ANKS4B: variants seen among roughly 807,000 people sequenced by gnomAD.
ANKS4B encodes the protein ankyrin repeat and sterile alpha motif domain containing 4B, also known as ankyrin repeat and SAM domain-containing protein 4B.
Under a neutral mutation model 20.2 loss-of-function variants are expected in ANKS4B, and 21 were observed. The observed-to-expected ratio is 1.04, with a 90% CI of 0.74 to 1.50. The LOEUF is 1.50. Ranked by LOEUF, ANKS4B falls within the 40% of genes most tolerant of loss-of-function variation. The pLI, the probability that ANKS4B is intolerant of heterozygous loss-of-function variation, is 0.00. For missense variants in ANKS4B, 473 were observed against 494.6 expected, an observed-to-expected ratio of 0.96 and a Z score of 0.41; for synonymous variants, 179 against 194.5, an observed-to-expected ratio of 0.92 and a Z score of 0.66.
intron 1 of ANKS4B, among the ~76,000 whole-genome samples, chr16:21,248,307 G>A (rs964694807): frequency 4.7e-4 from 69 of 147,374 alleles, no homozygotes; most frequent in African/African-American, 1.6e-3. Flanking sequence ...ACAGGCACGA[G>A]CCACTGAGCC....
At chr16:21,245,268 T>G (rs1256782598) in intron 1 of ANKS4B, among the ~76,000 whole-genome samples, 4 of 152,106 alleles carry the variant, frequency 2.6e-5, no homozygotes, top group Admixed American at 6.6e-5. Context: ...AACTGTGACT[T>G]TGTTGAAAGA....
Position 21,250,652 on chromosome 16 carries a change from T to C in ANKS4B, c.1086T>C (p.Pro362=). The change falls in exon 2 of 2, where the codon CCT becomes CCC. Residue 362 remains proline, a synonymous_variant. Coordinates refer to ENST00000311620, the MANE Select transcript of ANKS4B (RefSeq NM_145865.3). ...CTCAGCACCTGGAAGAATTCCTGCC[T>C]ATCTTCAAGAGAGAGCAGATTGATC... ...LLSQHLEEFL[P]IFKREQIDLE... 2 of 1,614,004 alleles carry C rather than the reference T, an allele frequency of 1.2e-6. No individual in the cohort carries two copies. Among genetic ancestry groups the C allele is most frequent in the Non-Finnish European group, 1.7e-6 (2 of 1,179,858 alleles).
At position 21,253,172 on chromosome 16, in the gene ANKS4B, C is replaced by T. The variant is rs2093341724; in HGVS notation, c.*2352C>T. On this transcript the variant is annotated 3_prime_UTR_variant, in exon 2 of 2. Transcript: ENST00000311620. ...GCTGACTTACATCAAGTGGAATTTA[C>T]TGTTGATTCTGGGTATAATACAGAA... The T allele has an allele frequency of 6.6e-6, 1 of 152,102 alleles. No individual in the cohort carries two copies. The highest frequency in any genetic ancestry group is 2.1e-4 in the South Asian group (1 of 4,830). The allele number at this position is 152,102 out of a possible 1,614,324, so 9.4% of individuals were successfully genotyped here. A position where few individuals can be genotyped will look rare whatever the true frequency, so the allele number is the denominator to read the frequency against.
rs1463688423 is a variant in ANKS4B, at chr16:21,250,268, C to T, written c.702C>T (p.Phe234=). 8 of 1,613,998 alleles carry T rather than the reference C, an allele frequency of 5.0e-6. No individual in the cohort carries two copies. The African/African-American group carries it at 6.7e-5, about 13-fold the overall frequency. ...GGCAGAGGAACGTGATGGAAGTGTT[C>T]AGAGAGGAAGAGGAAGACTCGTTCT... ...RSGQRNVMEV[F]REEEEDSFSG... Residue 234 remains phenylalanine, a synonymous_variant, in exon 2 of 2, where the codon TTC becomes TTT. Transcript: ENST00000311620.
chr16:21,241,125 T>C (rs1431723579), intron 1 of ANKS4B, among the ~76,000 whole-genome samples: 12 of 152,206 alleles, frequency 7.9e-5, no homozygotes, highest in Non-Finnish European at 1.5e-5. Context: ...AGGGTACGTG[T>C]GCAGGTTTGC....
At chr16:21,239,794 G>A (rs539862421) in intron 1 of ANKS4B, among the ~76,000 whole-genome samples, 3 of 152,210 alleles carry the variant, frequency 2.0e-5, no homozygotes, top group South Asian at 4.1e-4. Context: ...TATTCTTAGC[G>A]AGCTAACGCA....
In ANKS4B at chr16:21,251,743, G is replaced by A. The variant is rs1410366247; in HGVS notation, c.*923G>A. ...GAGAATAGAGACAGAGTGGTGGTGG[G>A]GAGAGTGAAGAAAGAGATAGAATAC... On this transcript the variant is annotated 3_prime_UTR_variant, in exon 2 of 2. Coordinates refer to ENST00000311620, the MANE Select transcript of ANKS4B (RefSeq NM_145865.3). 6.6e-6 allele frequency: 1 copy of A among 152,142 alleles called. No homozygotes were observed. The highest frequency in any genetic ancestry group is 1.5e-5 in the Non-Finnish European group (1 of 68,040). The allele number at this position is 152,142 out of a possible 1,614,324, so 9.4% of individuals were successfully genotyped here.
Position 21,250,298 on chromosome 16 carries a change from G to A in ANKS4B, c.732G>A (p.Gly244=). Residue 244 remains glycine, a synonymous_variant, in exon 2 of 2, where the codon GGG becomes GGA. Transcript: ENST00000311620. ...AGGAAGAGGAAGACTCGTTCTCAGG[G>A]GACTTCAAAGAGAAGCTCCAGTTGT... ...FREEEEDSFS[G]DFKEKLQLSA... 1 of 1,614,198 alleles carries A rather than the reference G, an allele frequency of 6.2e-7. No homozygotes were observed. Among genetic ancestry groups the A allele is most frequent in the Non-Finnish European group, 8.5e-7 (1 of 1,180,030 alleles).
Position 21,250,859 on chromosome 16 carries a change from G to T in ANKS4B, c.*39G>T, listed in dbSNP as rs142116598. On this transcript the variant is annotated 3_prime_UTR_variant, in exon 2 of 2. Transcript: ENST00000311620. ...CCTGGAGCATTGGGGTGATGCTGTG[G>T]CCCGCTGGCAGCACTCCAGGCGGCA... The T allele has an allele frequency of 2.2e-4, 335 of 1,543,426 alleles. 1 individual carries two copies. In the African/African-American group the frequency reaches 4.0e-3, roughly 18 times the overall value.
At position 21,243,717 on chromosome 16, in the gene ANKS4B, A is replaced by G. The variant is rs542741815; in HGVS notation, c.165-6014A>G. Among the ~76,000 whole-genome samples, 337 of 152,128 alleles carry G rather than the reference A, an allele frequency of 2.2e-3. 5 individuals carry two copies. The highest frequency in any genetic ancestry group is 6.6e-3 in the African/African-American group (273 of 41,496). On this transcript the variant is annotated intron_variant, in intron 1 of 1. Coordinates refer to ENST00000311620, the MANE Select transcript of ANKS4B (RefSeq NM_145865.3). ...CTCCCGAGTAGCTGGGACTACAGGT[A>G]CACACCACCATGCCTGGCTAATTTT...
At chr16:21,243,871 C>G (rs917453801) in intron 1 of ANKS4B, 1 of 152,088 alleles carries the variant, frequency 6.6e-6, no homozygotes, top group African/African-American at 2.4e-5. Context: ...CTGTGCCCAG[C>G]CAAAGTTTTG....
rs1597608713 is a variant in ANKS4B at position 21,251,390 on chromosome 16, A to C, written c.*570A>C. On this transcript the variant is annotated 3_prime_UTR_variant, in exon 2 of 2. Coordinates refer to ENST00000311620, the MANE Select transcript of ANKS4B (RefSeq NM_145865.3). ...TAAAGCACTGGGATTACAGGTGTGA[A>C]CCACCGTACCCAGCCTATCTTTTTG... is the stretch of plus-strand genomic sequence containing the variant. The C allele has an allele frequency of 6.6e-6, 1 of 152,600 alleles. No homozygotes were observed. Among genetic ancestry groups the C allele is most frequent in the South Asian group, 2.1e-4 (1 of 4,844 alleles). 9.5% of individuals were successfully genotyped at this position (152,600 alleles called of 1,614,324 possible). A position where few individuals can be genotyped will look rare whatever the true frequency, so the allele number is the denominator to read the frequency against.
chr16:21,234,048 C>G, intron 1 of ANKS4B, 147 bp downstream of exon 1: 1 of 847,048 alleles, frequency 1.2e-6, no homozygotes, highest in South Asian at 2.3e-5. Flanking sequence ...AGAGAGAAAA[C>G]TATGCCTAGA....
chr16:21,249,516 G>A (rs1459374260), intron 1 of ANKS4B, among the ~76,000 whole-genome samples: 4 of 152,162 alleles, frequency 2.6e-5, no homozygotes, highest in African/African-American at 4.8e-5. Flanking sequence ...GAGACACACG[G>A]TAGAGATGGG....
At position 21,252,873 on chromosome 16, in the gene ANKS4B, A is replaced by C. The variant is rs1010706171; in HGVS notation, c.*2053A>C. The stretch of plus-strand genomic sequence containing the variant: ...AACCCGTCTCTACTAAAAATACAAA[A>C]ATTAGCCAGGTGTGGTGGCGTGTGC... On this transcript the variant is annotated 3_prime_UTR_variant, in exon 2 of 2. Coordinates refer to ENST00000311620, the MANE Select transcript of ANKS4B (RefSeq NM_145865.3). The C allele has an allele frequency of 6.6e-6, 1 of 152,066 alleles. No homozygotes were observed. The highest frequency in any genetic ancestry group is 2.4e-5 in the African/African-American group (1 of 41,368). 9.4% of individuals were successfully genotyped at this position (152,066 alleles called of 1,614,324 possible).
chr16:21,240,388 G>A (rs1347287997), intron 1 of ANKS4B, among the ~76,000 whole-genome samples: 3 of 151,940 alleles, frequency 2.0e-5, no homozygotes, highest in South Asian at 2.1e-4. Flanking sequence ...ACCTAGGTTC[G>A]AGTGATTCTC....
intron 1 of ANKS4B, among the ~76,000 whole-genome samples, chr16:21,246,259 CT>C (rs921383496): frequency 6.6e-6 from 1 of 152,004 alleles, no homozygotes; most frequent in African/African-American, 2.4e-5. Flanking sequence ...TAACTTAGAA[CT>C]TTTTAAAAGA....
chr16:21,240,792 C>CT (rs996227583), intron 1 of ANKS4B, among the ~76,000 whole-genome samples: 147 of 144,576 alleles, frequency 1.0e-3, no homozygotes, highest in Middle Eastern at 3.5e-3. Flanking sequence ...ATAATTTCAA[C>CT]TTTTTTTTTT....
chr16:21,248,781 C>T (rs1281285138), intron 1 of ANKS4B, among the ~76,000 whole-genome samples: 4 of 152,126 alleles, frequency 2.6e-5, no homozygotes, highest in Non-Finnish European at 4.4e-5. Context: ...AAAAAGATAA[C>T]ACGAAAGTCT....
Sources: gnomAD v4.1 joint callset for allele counts (sites outside exome capture counted in the v4.1 genomes callset) on GRCh38, gnomAD v4.1.1 for gene constraint, MANE v1.5 for transcripts, NCBI Gene and HGNC (gene_info 2026-07-23, HGNC 2026-07-21) for gene names.